Variants in LMX1B observed in about 807,000 individuals in gnomAD.
LMX1B encodes the protein LIM homeobox transcription factor 1 beta, also known as LIM homeobox transcription factor 1-beta.
A neutral mutation model predicts 51.4 loss-of-function variants in LMX1B; 12 were observed. The observed-to-expected ratio is 0.23, with a 90% confidence interval of 0.15 to 0.38. The LOEUF (loss-of-function observed/expected upper bound fraction) is 0.38. Ranked by LOEUF, LMX1B falls within the 10% of genes least tolerant of loss-of-function variation. The pLI, the probability that LMX1B is intolerant of heterozygous loss-of-function variation, is 1.00. For missense variants in LMX1B, 445 were observed against 571.1 expected, an observed-to-expected ratio of 0.78 and a Z score of 2.25; for synonymous variants, 237 against 235.4, an observed-to-expected ratio of 1.01 and a Z score of -0.06.
At chr9:126,691,672 G>T (rs999163078) in intron 3 of LMX1B, among the ~76,000 whole-genome samples, 5 of 152,132 alleles carry the variant, frequency 3.3e-5, no homozygotes, top group African/African-American at 1.2e-4. Context: ...CTCCACAGGG[G>T]TCTTCACCAG....
At chr9:126,680,846 T>C (rs1335242418) in intron 2 of LMX1B, among the ~76,000 whole-genome samples, 1 of 152,170 alleles carries the variant, frequency 6.6e-6, no homozygotes, top group Non-Finnish European at 1.5e-5. Flanking sequence ...ACATCATAGC[T>C]CGCAGCCTCC....
chr9:126,636,263 A>G (rs1366356061), intron 2 of LMX1B, among the ~76,000 whole-genome samples: 1 of 152,126 alleles, frequency 6.6e-6, no homozygotes, highest in African/African-American at 2.4e-5. Context: ...AACACAGGGC[A>G]TTGTGGTCCC....
At chr9:126,682,571 C>G (rs1467393735) in intron 2 of LMX1B, among the ~76,000 whole-genome samples, 1 of 152,232 alleles carries the variant, frequency 6.6e-6, no homozygotes, top group Non-Finnish European at 1.5e-5. Context: ...CGCCTCCAGA[C>G]AGCGCCGGCC....
At chr9:126,620,592 T>C (rs1234811357) in intron 2 of LMX1B, among the ~76,000 whole-genome samples, 3 of 152,138 alleles carry the variant, frequency 2.0e-5, no homozygotes, top group Non-Finnish European at 4.4e-5. Context: ...GCTGGGCTCT[T>C]TCTCCTTTGG....
chr9:126,676,749 C>T (rs529907792), intron 2 of LMX1B, among the ~76,000 whole-genome samples: 6 of 152,294 alleles, frequency 3.9e-5, no homozygotes, highest in South Asian at 4.1e-4. Context: ...TCAGACCTTT[C>T]GGAGTTACCA....
chr9:126,632,435 G>C (rs1301371476), intron 2 of LMX1B, among the ~76,000 whole-genome samples: 1 of 152,184 alleles, frequency 6.6e-6, no homozygotes, highest in African/African-American at 2.4e-5. Context: ...CCGAGGGGCT[G>C]CTGGGACTGG....
chr9:126,632,003 G>A (rs1054632410), intron 2 of LMX1B, among the ~76,000 whole-genome samples: 13 of 152,298 alleles, frequency 8.5e-5, no homozygotes, highest in Admixed American at 7.2e-4. Flanking sequence ...TGCGCAGTTC[G>A]TACTGAAAGA....
intron 2 of LMX1B, among the ~76,000 whole-genome samples, chr9:126,642,072 T>C (rs1835818809): frequency 6.6e-6 from 1 of 151,986 alleles, no homozygotes; most frequent in African/African-American, 2.4e-5. Flanking sequence ...AGCTCTGGTG[T>C]GTCTCGTGGC....
intron 3 of LMX1B, among the ~76,000 whole-genome samples, chr9:126,691,533 CAT>C (rs1388477712): frequency 4.6e-5 from 7 of 152,208 alleles, no homozygotes; most frequent in African/African-American, 9.7e-5. Flanking sequence ...CATGGCTGCA[CAT>C]ATATGTTTGT....
intron 2 of LMX1B, among the ~76,000 whole-genome samples, chr9:126,640,034 G>A (rs1325037127): frequency 1.3e-5 from 2 of 152,196 alleles, no homozygotes; most frequent in Non-Finnish European, 2.9e-5. Flanking sequence ...CCTCCTTAAC[G>A]CAGTTAATGC....
chr9:126,669,925 G>A (rs1836419141), intron 2 of LMX1B, among the ~76,000 whole-genome samples: 1 of 152,208 alleles, frequency 6.6e-6, no homozygotes, highest in African/African-American at 2.4e-5. Context: ...ATGGTTAGAA[G>A]TGGAGGGGGT....
intron 2 of LMX1B, among the ~76,000 whole-genome samples, chr9:126,648,607 TA>T (rs2118896992): frequency 6.6e-6 from 1 of 152,246 alleles, no homozygotes; most frequent in African/African-American, 2.4e-5. Context: ...ATCATTAATA[TA>T]AAGCAAGGAG....
intron 2 of LMX1B, among the ~76,000 whole-genome samples, chr9:126,661,854 G>A (rs571006899): frequency 6.6e-6 from 1 of 152,252 alleles, no homozygotes; most frequent in African/African-American, 2.4e-5. Flanking sequence ...AGCGCCCCCT[G>A]GCCCAGTGGC....
intron 2 of LMX1B, among the ~76,000 whole-genome samples, chr9:126,670,882 A>G (rs1006320239): frequency 6.6e-6 from 1 of 152,346 alleles, no homozygotes; most frequent in South Asian, 2.1e-4. Flanking sequence ...CCACAAGGGT[A>G]AGTGAAGACT....
At chr9:126,676,626 C>T (rs1836570599) in intron 2 of LMX1B, among the ~76,000 whole-genome samples, 1 of 152,224 alleles carries the variant, frequency 6.6e-6, no homozygotes, top group African/African-American at 2.4e-5. Context: ...CTCTAGCAAC[C>T]TGTCTGCTAC....
rs145619478 is a variant in LMX1B at position 126,641,560 on chromosome 9, C to T, written c.326+25991C>T. Among the ~76,000 whole-genome samples, 390 of 152,234 alleles carry T rather than the reference C, an allele frequency of 2.6e-3. No individual in the cohort carries two copies. The highest frequency in any genetic ancestry group is 8.9e-3 in the African/African-American group (371 of 41,524). On this transcript the variant is annotated intron_variant, in intron 2 of 7. Coordinates refer to ENST00000373474, the MANE Select transcript of LMX1B (RefSeq NM_001174147.2). The surrounding 1 kb of genome is among the most constrained non-coding windows in gnomAD (Gnocchi z 4.1). ...CTGAGCTGGGCTGGGCTGGGTTAGG[C>T]GACCACCCCCACCCAGCTGGGTTCC...
chr9:126,666,272 G>T (rs918514024), intron 2 of LMX1B, among the ~76,000 whole-genome samples: 5 of 152,232 alleles, frequency 3.3e-5, no homozygotes, highest in African/African-American at 1.2e-4. Flanking sequence ...AGCCTGGAAG[G>T]ATGAAAAGCA....
intron 2 of LMX1B, among the ~76,000 whole-genome samples, chr9:126,689,212 CT>C (rs1282482383): frequency 1.3e-5 from 2 of 152,214 alleles, no homozygotes; most frequent in Non-Finnish European, 2.9e-5. Flanking sequence ...GGGGTGCCCC[CT>C]GCTGAGTGCT....
intron 2 of LMX1B, among the ~76,000 whole-genome samples, chr9:126,635,261 G>A (rs947005406): frequency 5.3e-5 from 8 of 152,160 alleles, no homozygotes; most frequent in Admixed American, 3.9e-4. Context: ...GCCCCCACTC[G>A]CTCATTGCCC....
Sources: allele counts gnomAD v4.1 joint callset (sites outside exome capture counted in the v4.1 genomes callset), GRCh38; gene constraint gnomAD v4.1.1; non-coding constraint Gnocchi (gnomAD v3.1); transcripts MANE v1.5; gene names NCBI Gene and HGNC (gene_info 2026-07-23, HGNC 2026-07-21).